Variants in POLI observed in about 807,000 individuals in gnomAD.
The protein encoded by POLI is RAD30 homolog B.
POLI carries 58 observed loss-of-function variants against 51.6 expected under a neutral mutation model. The ratio of observed to expected loss-of-function variants is 1.12; its 90% CI spans 0.91 to 1.40. The LOEUF (loss-of-function observed/expected upper bound fraction) is 1.40. POLI is among the 40% of genes most tolerant of loss of function. POLI has a pLI of 0.00. For missense variants in POLI, 921 were observed against 871.3 expected (o/e 1.06, Z -0.72); for synonymous variants, 322 against 299.7 (o/e 1.07, Z -0.77).
chr18:54,292,070 AGTATACTCTTATGG>A, intron 9 of POLI, 32 bp downstream of exon 9: 1 of 1,304,090 alleles, frequency 7.7e-7, no homozygotes, highest in Non-Finnish European at 1.1e-6. Context: ...CAGTTTTCTA[AGTATACTCTTATGG>A]GATTTGTGTG....
intron 3 of POLI, among the ~76,000 whole-genome samples, chr18:54,303,515 G>A (rs1255484079): frequency 6.6e-6 from 1 of 152,090 alleles, no homozygotes; most frequent in Non-Finnish European, 1.5e-5. Context: ...CTACTCACAT[G>A]CTGGCATTTT....
At chr18:54,290,594 A>G (rs986098534) in intron 8 of POLI, among the ~76,000 whole-genome samples, 4 of 152,316 alleles carry the variant, frequency 2.6e-5, no homozygotes, top group African/African-American at 9.6e-5. Flanking sequence ...GTCCATCAGT[A>G]ATAGACTGGA....
Position 54,296,036 on chromosome 18 carries a change from C to T in POLI, c.*1569C>T, listed in dbSNP as rs1282046107. On this transcript the variant is annotated 3_prime_UTR_variant, in exon 10 of 10. Coordinates refer to ENST00000579534, the MANE Select transcript of POLI (RefSeq NM_007195.3). ...GGTTATCAGGAACAGTAACTTGAAG[C>T]AAGAACATCAGAAATTGTTCACCAT... The T allele has an allele frequency of 1.0e-5, 10 of 984,816 alleles. No individual in the cohort carries two copies. The highest frequency in any genetic ancestry group is 1.7e-5 in the African/African-American group (1 of 57,342). 61.0% of individuals were successfully genotyped at this position (984,816 alleles called of 1,614,324 possible).
chr18:54,292,078 C>A, intron 9 of POLI, 40 bp downstream of exon 9: 1 of 1,201,128 alleles, frequency 8.3e-7, no homozygotes, highest in South Asian at 1.3e-5. Context: ...TAAGTATACT[C>A]TTATGGGATT....
downstream of POLI, among the ~76,000 whole-genome samples, chr18:54,303,060 A>G (rs1246621738): frequency 6.6e-6 from 1 of 152,220 alleles, no homozygotes; most frequent in African/African-American, 2.4e-5. Flanking sequence ...TGTGAAAGCA[A>G]AAGTAATGAT....
At chr18:54,304,635 A>C in intron 3 of POLI, among the ~76,000 whole-genome samples, 1 of 152,012 alleles carries the variant, frequency 6.6e-6, no homozygotes, top group Non-Finnish European at 1.5e-5. Flanking sequence ...AAATTTGTTT[A>C]ACTTCTTTGT....
At position 54,271,491 on chromosome 18, in the gene POLI, T is replaced by A; in HGVS notation, c.241+6T>A. The A allele has an allele frequency of 6.4e-7, 1 of 1,559,592 alleles. No homozygotes were observed. The highest frequency in any genetic ancestry group is 8.7e-7 in the Non-Finnish European group (1 of 1,143,756). ...GCTAAAAGACAAACCTTTAGGTAAC[T>A]GTAGATTTATAATATTTTTAATTGC... On this transcript the variant is annotated splice_donor_region_variant and intron_variant, in intron 2 of 9. Coordinates refer to ENST00000579534, the MANE Select transcript of POLI (RefSeq NM_007195.3).
chr18:54,305,926 T>G (rs1355875950), intron 3 of POLI, among the ~76,000 whole-genome samples: 1 of 151,952 alleles, frequency 6.6e-6, no homozygotes, highest in Non-Finnish European at 1.5e-5. Flanking sequence ...GCCTGGCTAA[T>G]TTTTTGTATT....
chr18:54,293,507 GTT>G, intron 9 of POLI, 140 bp from the exon 10 acceptor site: 2 of 580,366 alleles, frequency 3.4e-6, no homozygotes, highest in Non-Finnish European at 6.0e-6. Context: ...TAGATCTCTA[GTT>G]GTTTGGAACT....
chr18:54,282,415 C>G (rs1016610414), intron 5 of POLI, among the ~76,000 whole-genome samples: 1 of 152,076 alleles, frequency 6.6e-6, no homozygotes, highest in African/African-American at 2.4e-5. Context: ...ACAGTAGTCC[C>G]CCATTATCTG....
chr18:54,313,894 A>G (rs1450900949), intron 3 of POLI, among the ~76,000 whole-genome samples: 2 of 152,200 alleles, frequency 1.3e-5, no homozygotes, highest in Non-Finnish European at 2.9e-5. Flanking sequence ...TATTGTCTGC[A>G]AACGGGGATA....
chr18:54,282,375 G>C (rs2087540647), intron 5 of POLI, among the ~76,000 whole-genome samples: 1 of 152,102 alleles, frequency 6.6e-6, no homozygotes, highest in African/African-American at 2.4e-5. Flanking sequence ...CAGCAACCTA[G>C]TTTGCAATGG....
At chr18:54,315,101 G>T (rs114330875) in intron 3 of POLI, among the ~76,000 whole-genome samples, 292 of 152,154 alleles carry the variant, frequency 1.9e-3, no homozygotes, top group African/African-American at 6.7e-3. Flanking sequence ...GGCATCTAGT[G>T]CTATAAACTT....
At chr18:54,284,057 C>A in intron 7 of POLI, 44 bp downstream of exon 7, 1 of 706,084 alleles carries the variant, frequency 1.4e-6, no homozygotes, top group South Asian at 1.8e-5. Flanking sequence ...TGTATTCATT[C>A]TATATACGGT....
downstream of POLI, among the ~76,000 whole-genome samples, chr18:54,302,874 T>G (rs1459438322): frequency 6.6e-6 from 1 of 152,200 alleles, no homozygotes; most frequent in African/African-American, 2.4e-5. Context: ...CATGGAAAGT[T>G]TGTCTTTCTG....
At chr18:54,298,819 C>T (rs1276944941), downstream of POLI, among the ~76,000 whole-genome samples, 3 of 151,846 alleles carry the variant, frequency 2.0e-5, no homozygotes, top group Non-Finnish European at 2.9e-5. Flanking sequence ...GAACTCCTGA[C>T]CTCGTGATCT....
At chr18:54,279,241 CTTTTTTTTT>C (rs769828054) in intron 4 of POLI, among the ~76,000 whole-genome samples, 2 of 119,116 alleles carry the variant, frequency 1.7e-5, no homozygotes, top group African/African-American at 3.3e-5. Context: ...TATGTCTTTT[CTTTTTTTTT>C]TTTTTTTTTT....
intron 2 of POLI, among the ~76,000 whole-genome samples, chr18:54,273,597 CTT>C (rs2087106387): frequency 1.3e-5 from 2 of 152,124 alleles, no homozygotes; most frequent in East Asian, 3.9e-4. Context: ...TATCGTCTAA[CTT>C]TTAATTCTGT....
chr18:54,293,931 C>A lies in POLI; in HGVS notation c.1687C>A (p.His563Asn). The change falls in exon 10 of 10, where the codon CAT (histidine) becomes AAT (asparagine). Residue 563 changes from histidine to asparagine, a missense_variant. Physicochemically the swap from His to Asn is moderately conservative, Grantham distance 68 (BLOSUM62 1). Transcript: ENST00000579534. Reference protein sequence around the residue: ...QGKGSVSCPLHASRGVLSFFS... With the variant: ...QGKGSVSCPLNASRGVLSFFS... ...GAAAGGAAGTGTGAGTTGTCCATTA[C>A]ATGCCTCTAGAGGAGTATTATCTTT... 1 of 1,612,634 alleles carries A rather than the reference C, an allele frequency of 6.2e-7. No homozygotes were observed. Among genetic ancestry groups the A allele is most frequent in the South Asian group, 1.1e-5 (1 of 91,044 alleles).
Sources: allele counts gnomAD v4.1 joint callset (sites outside exome capture counted in the v4.1 genomes callset), GRCh38; gene constraint gnomAD v4.1.1; transcripts MANE v1.5; gene names NCBI Gene and HGNC (gene_info 2026-07-23, HGNC 2026-07-21).